KAT2B: variants seen among roughly 807,000 people sequenced by gnomAD.
KAT2B encodes the protein lysine acetyltransferase 2B.
Under a neutral mutation model 105.9 loss-of-function variants are expected in KAT2B, and 36 were observed. The ratio of observed to expected loss-of-function variants is 0.34; its 90% confidence interval spans 0.26 to 0.45. KAT2B has a LOEUF of 0.45. Among genes scored for constraint, KAT2B ranks in the 20% least tolerant of loss-of-function variants. The pLI, the probability that KAT2B is intolerant of heterozygous loss-of-function variation, is 1.00. For synonymous variants in KAT2B, 397 were observed against 377.9 expected (o/e 1.05, Z -0.59); for missense variants, 820 against 1,021.6 (o/e 0.80, Z 2.69).
At chr3:20,121,256 T>C (rs1699302373) in intron 8 of KAT2B, among the ~76,000 whole-genome samples, 1 of 152,248 alleles carries the variant, frequency 6.6e-6, no homozygotes, top group South Asian at 2.1e-4. Context: ...ACTGTTCTGC[T>C]CCTTTTCAAC....
chr3:20,086,453 T>G (rs1175390078), intron 2 of KAT2B, among the ~76,000 whole-genome samples: 1 of 151,716 alleles, frequency 6.6e-6, no homozygotes, highest in Non-Finnish European at 1.5e-5. Context: ...ACAAAAAAAT[T>G]AGCCAGGCAT....
At chr3:20,074,964 T>C (rs1200819068) in intron 2 of KAT2B, among the ~76,000 whole-genome samples, 2 of 152,110 alleles carry the variant, frequency 1.3e-5, no homozygotes, top group Non-Finnish European at 2.9e-5. Context: ...TTTATTACTT[T>C]AGAAAATATA....
chr3:20,141,799 T>TC (rs1343752756), intron 13 of KAT2B, among the ~76,000 whole-genome samples: 1 of 151,660 alleles, frequency 6.6e-6, no homozygotes, highest in Non-Finnish European at 1.5e-5. Flanking sequence ...TTTTTTTTTT[T>TC]TGGAAAATAC....
chr3:20,047,297 C>T (rs1474959279), intron 1 of KAT2B, among the ~76,000 whole-genome samples: 1 of 152,140 alleles, frequency 6.6e-6, no homozygotes, highest in Non-Finnish European at 1.5e-5. Context: ...GTCTTGAACT[C>T]CTGGGCTCAA....
chr3:20,107,953 C>T (rs1401144467), intron 5 of KAT2B, among the ~76,000 whole-genome samples: 2 of 151,474 alleles, frequency 1.3e-5, no homozygotes, highest in East Asian at 2.0e-4. Context: ...GGACTACAGG[C>T]GCCTGCCACC....
chr3:20,133,619 T>G lies in KAT2B; in HGVS notation c.1750-3323T>G, dbSNP rs540420849. ...TGGTAATTTTCTATCATCAGCAATG[T>G]TCTGTTTGGAAATGTTTCCTTAGAC... is the stretch of plus-strand genomic sequence containing the variant. On this transcript the variant is annotated intron_variant, in intron 11 of 17. Transcript: ENST00000263754. 1.3e-5 allele frequency among the ~76,000 whole-genome samples: 2 copies of G among 152,364 alleles called. 1 individual carries two copies. Among genetic ancestry groups the G allele is most frequent in the South Asian group, 4.1e-4 (2 of 4,832 alleles).
intron 2 of KAT2B, among the ~76,000 whole-genome samples, chr3:20,073,400 C>T (rs1170196818): frequency 3.9e-5 from 6 of 152,138 alleles, no homozygotes; most frequent in East Asian, 3.9e-4. Context: ...TTCCTGCTTA[C>T]AAGAAATGGT....
chr3:20,109,912 G>T (rs1699089638), intron 5 of KAT2B, among the ~76,000 whole-genome samples: 1 of 152,092 alleles, frequency 6.6e-6, no homozygotes, highest in Admixed American at 6.6e-5. Flanking sequence ...AATTTTTAAT[G>T]TAGGCAGATG....
chr3:20,146,358 A>G lies in KAT2B; in HGVS notation c.2047A>G (p.Lys683Glu), dbSNP rs528490029. 3.8e-5 allele frequency: 62 copies of G among 1,613,358 alleles called. No homozygotes were observed. Among genetic ancestry groups the G allele is most frequent in the Non-Finnish European group, 5.3e-5 (62 of 1,179,430 alleles). ...LIERKQAQIRKVYPGLSCFKD... is the reference protein window; with the variant it reads ...LIERKQAQIREVYPGLSCFKD... ...TGAAAGAAAACAGGCACAAATTCGA[A>G]AAGTTTACCCTGGACTTTCATGTTT... The change falls in exon 14 of 18, where the codon AAA (lysine) becomes GAA (glutamate). Residue 683 changes from lysine (K) to glutamate (E), a missense_variant. Physicochemically the swap from Lys to Glu is moderately conservative, Grantham distance 56. Around this residue, in one of 6 missense-constraint regions of KAT2B, gnomAD observed 227 missense variants for 292.9 expected, o/e 0.77. Transcript: ENST00000263754.
intron 2 of KAT2B, among the ~76,000 whole-genome samples, chr3:20,092,824 C>T (rs1009896765): frequency 6.6e-6 from 1 of 152,044 alleles, no homozygotes; most frequent in African/African-American, 2.4e-5. Flanking sequence ...GCCTCAGCCT[C>T]CTGAGTAGCT....
chr3:20,050,430 CT>C (rs1697896875), intron 1 of KAT2B, among the ~76,000 whole-genome samples: 1 of 152,108 alleles, frequency 6.6e-6, no homozygotes. Context: ...AGAGGGTTCT[CT>C]TGTGCCTCCT....
chr3:20,119,775 C>G (rs775950104), intron 8 of KAT2B, 52 bp downstream of exon 8: 12 of 1,602,618 alleles, frequency 7.5e-6, no homozygotes, highest in Admixed American at 1.7e-5. Context: ...CCAGGAGCTC[C>G]ATTACCTGAG....
intron 1 of KAT2B, among the ~76,000 whole-genome samples, chr3:20,052,085 C>T (rs775949909): frequency 2.0e-5 from 3 of 152,216 alleles, no homozygotes; most frequent in Non-Finnish European, 4.4e-5. Context: ...TGGTTACCTG[C>T]TGCTTTGCAC....
chr3:20,132,291 T>C (rs1699524628), intron 11 of KAT2B, among the ~76,000 whole-genome samples: 1 of 152,186 alleles, frequency 6.6e-6, no homozygotes, highest in Admixed American at 6.5e-5. Context: ...GAGAATCACT[T>C]GAACCCAGGA....
At chr3:20,061,914 ATG>A (rs374571237) in intron 1 of KAT2B, among the ~76,000 whole-genome samples, 62 of 50,416 alleles carry the variant, frequency 1.2e-3, no homozygotes, top group South Asian at 7.9e-3. Flanking sequence ...TATATAAAAT[ATG>A]TATTATATAT....
intron 1 of KAT2B, among the ~76,000 whole-genome samples, chr3:20,064,272 T>C (rs1698188355): frequency 6.6e-6 from 1 of 152,220 alleles, no homozygotes; most frequent in South Asian, 2.1e-4. Flanking sequence ...TTTTGAAACA[T>C]GTATACATTG....
intron 2 of KAT2B, among the ~76,000 whole-genome samples, chr3:20,090,890 A>G (rs1381574812): frequency 6.6e-6 from 1 of 151,896 alleles, no homozygotes; most frequent in East Asian, 1.9e-4. Flanking sequence ...CAGGCATGTG[A>G]CACCACACCT....
At chr3:20,042,011 C>T (rs146778958) in intron 1 of KAT2B, among the ~76,000 whole-genome samples, 238 of 152,300 alleles carry the variant, frequency 1.6e-3, no homozygotes, top group African/African-American at 5.4e-3. Flanking sequence ...TACACTGGTT[C>T]AATAAATATT....
At chr3:20,137,918 G>T (rs1335172100) in intron 12 of KAT2B, among the ~76,000 whole-genome samples, 2 of 152,220 alleles carry the variant, frequency 1.3e-5, no homozygotes, top group Non-Finnish European at 2.9e-5. Flanking sequence ...AGGGCAGGAG[G>T]ATTGCTGTGC....
Sources: gnomAD v4.1 joint callset for allele counts (sites outside exome capture counted in the v4.1 genomes callset) on GRCh38, gnomAD v4.1.1 for gene constraint, gnomAD v4.1.1 regional missense constraint, MANE v1.5 for transcripts, NCBI Gene and HGNC (gene_info 2026-07-23, HGNC 2026-07-21) for gene names.